JARID2: variants seen among roughly 807,000 people sequenced by gnomAD.
The protein encoded by JARID2 is protein Jumonji.
A neutral mutation model predicts 125.6 loss-of-function variants in JARID2; 21 were observed. The ratio of observed to expected loss-of-function variants is 0.17; its 90% CI spans 0.12 to 0.24. The LOEUF is 0.24. Ranked by LOEUF, JARID2 falls within the 10% of genes least tolerant of loss-of-function variation. JARID2 has a pLI of 1.00. For synonymous variants in JARID2, 736 were observed against 661.6 expected (o/e 1.11, Z -1.73); for missense variants, 1,303 against 1,639.6 (o/e 0.79, Z 3.55).
At position 15,363,562 on chromosome 6, in the gene JARID2, G is replaced by A. The variant is rs139866856; in HGVS notation, c.46-10555G>A. Among the ~76,000 whole-genome samples the A allele has an allele frequency of 7.2e-5, 11 of 152,244 alleles. No homozygotes were observed. The East Asian group carries it at 1.9e-3, about 27-fold the overall frequency. On this transcript the variant is annotated intron_variant, in intron 1 of 17. Transcript: ENST00000341776. ...GGCCTTCAAGTGCCTGCTACGTGCT[G>A]GACTCATTGCTATGTCTCAGGAACA... is the stretch of plus-strand genomic sequence containing the variant.
chr6:15,504,100 G>C (rs1770877680), intron 8 of JARID2, among the ~76,000 whole-genome samples: 1 of 152,120 alleles, frequency 6.6e-6, no homozygotes, highest in South Asian at 2.1e-4. Flanking sequence ...GTTCCATCAG[G>C]TCATAGCTGC....
intron 1 of JARID2, among the ~76,000 whole-genome samples, chr6:15,311,570 C>G (rs893204085): frequency 1.3e-5 from 2 of 152,124 alleles, no homozygotes; most frequent in African/African-American, 4.8e-5. Context: ...AAGAGCGAAA[C>G]TCCGTCTCAA....
chr6:15,273,968 A>C (rs1261602419), intron 1 of JARID2, among the ~76,000 whole-genome samples: 1 of 147,066 alleles, frequency 6.8e-6, no homozygotes, highest in Admixed American at 6.9e-5. Context: ...TCGCCCTGTC[A>C]CCCAGGCTGG....
intron 3 of JARID2, among the ~76,000 whole-genome samples, chr6:15,419,136 A>G (rs1766370916): frequency 6.6e-6 from 1 of 152,234 alleles, no homozygotes; most frequent in Non-Finnish European, 1.5e-5. Context: ...TGAAAGCAAA[A>G]CAATCAGCAA....
chr6:15,264,137 T>C (rs7769631), intron 1 of JARID2, among the ~76,000 whole-genome samples: 22,332 of 152,146 alleles, frequency 0.15, 2,335 homozygotes, highest in African/African-American at 0.3. Flanking sequence ...GCAAATGTCA[T>C]GTGGCCTAGT....
Position 15,487,331 on chromosome 6 carries a change from C to T in JARID2, c.695C>T (p.Thr232Ile), listed in dbSNP as rs780494402. 1 of 1,614,160 alleles carries T rather than the reference C, an allele frequency of 6.2e-7. No homozygotes were observed. Among genetic ancestry groups the T allele is most frequent in the South Asian group, 1.1e-5 (1 of 91,084 alleles). ...GHVFNGSSRSTREKEPVQKHK... is the reference protein window; with the variant it reads ...GHVFNGSSRSIREKEPVQKHK... ...GTTTTCAATGGTTCCAGCAGGTCAA[C>T]ACGGGAGAAGGAACCTGTTCAAAAA... Residue 232 changes from threonine (T) to isoleucine (I), a missense_variant, in exon 6 of 18, where the codon ACA (threonine) becomes ATA (isoleucine). Physicochemically the swap from Thr to Ile is moderately conservative, Grantham distance 89 (BLOSUM62 -1). Around this residue, in one of 11 missense-constraint regions of JARID2, gnomAD observed 651 missense variants for 581.6 expected, o/e 1.12. Transcript: ENST00000341776.
intron 2 of JARID2, among the ~76,000 whole-genome samples, chr6:15,389,026 A>C (rs571572924): frequency 3.6e-4 from 55 of 152,248 alleles, no homozygotes; most frequent in African/African-American, 1.2e-3. Context: ...GGAGGCTCCC[A>C]GGCTAGCTTC....
chr6:15,254,245 A>G (rs1458971964), intron 1 of JARID2, among the ~76,000 whole-genome samples: 3 of 152,160 alleles, frequency 2.0e-5, no homozygotes, highest in Non-Finnish European at 2.9e-5. Flanking sequence ...TAGTTTTACA[A>G]ATGCCCCCAC....
At chr6:15,365,558 C>CA (rs905866648) in intron 1 of JARID2, among the ~76,000 whole-genome samples, 13 of 151,784 alleles carry the variant, frequency 8.6e-5, no homozygotes, top group East Asian at 1.9e-4. Context: ...TTCAGCCTGT[C>CA]AGAGTTGTGT....
intron 3 of JARID2, among the ~76,000 whole-genome samples, chr6:15,439,633 T>C (rs1478870922): frequency 6.6e-6 from 1 of 152,234 alleles, no homozygotes; most frequent in Admixed American, 6.5e-5. Context: ...CTTTTAGCCC[T>C]TCAGAATTAC....
chr6:15,386,491 T>C (rs1217984021), intron 2 of JARID2, among the ~76,000 whole-genome samples: 1 of 150,908 alleles, frequency 6.6e-6, no homozygotes, highest in Non-Finnish European at 1.5e-5. Flanking sequence ...TTGACATGTT[T>C]GTTTGTTTGT....
intron 5 of JARID2, among the ~76,000 whole-genome samples, chr6:15,473,301 G>A (rs1347494514): frequency 2.6e-5 from 4 of 152,160 alleles, no homozygotes; most frequent in Non-Finnish European, 5.9e-5. Context: ...CTGAAAGATA[G>A]CACAGATGAA....
intron 5 of JARID2, among the ~76,000 whole-genome samples, chr6:15,471,920 G>A (rs1367680987): frequency 6.6e-6 from 1 of 152,074 alleles, no homozygotes; most frequent in Admixed American, 6.5e-5. Flanking sequence ...ACATATCTCT[G>A]TGCATTTACA....
At chr6:15,304,113 C>G (rs1422064523) in intron 1 of JARID2, among the ~76,000 whole-genome samples, 1 of 152,092 alleles carries the variant, frequency 6.6e-6, no homozygotes, top group South Asian at 2.1e-4. Flanking sequence ...GTAAACAGTC[C>G]TAGAGTAAGT....
intron 3 of JARID2, among the ~76,000 whole-genome samples, chr6:15,433,697 C>T (rs1767070233): frequency 5.9e-5 from 9 of 152,066 alleles, no homozygotes; most frequent in Admixed American, 5.9e-4. Flanking sequence ...CCACTACTGC[C>T]CACCCACATC....
rs76573793 is a variant in JARID2, at chr6:15,477,229, T to C, written c.670+8511T>C. 7.2e-3 allele frequency among the ~76,000 whole-genome samples: 1,102 copies of C among 152,252 alleles called. 13 individuals are homozygous for C. Among genetic ancestry groups the C allele is most frequent in the African/African-American group, 0.025 (1,048 of 41,534 alleles). ...CAATCATTTGGACGAGTTTATCACA[T>C]TTCTGCTCTGTGGTTGCCTTTGAGG... On this transcript the variant is annotated intron_variant, in intron 5 of 17. Coordinates refer to ENST00000341776, the MANE Select transcript of JARID2 (RefSeq NM_004973.4).
chr6:15,433,434 G>A (rs550547931), intron 3 of JARID2, among the ~76,000 whole-genome samples: 37 of 149,930 alleles, frequency 2.5e-4, no homozygotes, highest in African/African-American at 8.7e-4. Flanking sequence ...GTGTGTGTGT[G>A]TGTGTGTGTG....
chr6:15,477,587 A>G (rs1180629063), intron 5 of JARID2, among the ~76,000 whole-genome samples: 1 of 147,806 alleles, frequency 6.8e-6, no homozygotes, highest in South Asian at 2.1e-4. Context: ...CACCCCCTTT[A>G]CGCATTTGGG....
chr6:15,261,981 C>CTCTACTAAAA (rs1759898843), intron 1 of JARID2, among the ~76,000 whole-genome samples: 1 of 151,500 alleles, frequency 6.6e-6, no homozygotes, highest in Non-Finnish European at 1.5e-5. Context: ...GGGGTTTCAC[C>CTCTACTAAAA]GTGCAGGTCA....
Sources: gnomAD v4.1 joint callset for allele counts (sites outside exome capture counted in the v4.1 genomes callset) on GRCh38, gnomAD v4.1.1 for gene constraint, gnomAD v4.1.1 regional missense constraint, MANE v1.5 for transcripts, NCBI Gene and HGNC (gene_info 2026-07-23, HGNC 2026-07-21) for gene names.